Variants in SOX5 observed in about 807,000 individuals in gnomAD.
The protein encoded by SOX5 is transcription factor SOX-5.
Under a neutral mutation model 92.0 loss-of-function variants are expected in SOX5, and 9 were observed. The ratio of observed to expected loss-of-function variants is 0.10; its 90% confidence interval spans 0.06 to 0.17. SOX5 has a LOEUF of 0.17. Ranked by LOEUF, SOX5 falls within the 10% of genes least tolerant of loss-of-function variation. The pLI is 1.00. For synonymous variants in SOX5, 344 were observed against 336.3 expected, an observed-to-expected ratio of 1.02 and a Z score of -0.25; for missense variants, 642 against 944.5, an observed-to-expected ratio of 0.68 and a Z score of 4.20.
intron 3 of SOX5, among the ~76,000 whole-genome samples, chr12:24,222,722 A>G (rs1239368703): frequency 6.6e-6 from 1 of 152,214 alleles, no homozygotes; most frequent in Non-Finnish European, 1.5e-5. Flanking sequence ...TGAATAAATG[A>G]TTACTGATAA....
chr12:23,726,193 T>C (rs1194635873), intron 6 of SOX5, among the ~76,000 whole-genome samples: 2 of 146,334 alleles, frequency 1.4e-5, no homozygotes, highest in Non-Finnish European at 3.0e-5. Context: ...TCTCACTGTT[T>C]GTAAGTTACA....
rs375168979 is a variant in SOX5, at chr12:24,171,906, A to G, written c.-2+41437T>C. On this transcript the variant is annotated intron_variant, in intron 4 of 4. Transcript: ENST00000446891. ...GGGGAAAGTTTCCATTTTCACAGAG[A>G]AAGTGGCATTTAAGTTGAGTCTTGA... Among the ~76,000 whole-genome samples the G allele has an allele frequency of 5.9e-5, 9 of 152,206 alleles. No homozygotes were observed. In the East Asian group the frequency reaches 1.4e-3, roughly 23 times the overall value.
At chr12:23,625,266 C>A (rs1454423353) in intron 8 of SOX5, among the ~76,000 whole-genome samples, 4 of 152,176 alleles carry the variant, frequency 2.6e-5, no homozygotes, top group Non-Finnish European at 5.9e-5. Context: ...ACTCACACTT[C>A]CTTCCCAATC....
intron 4 of SOX5, among the ~76,000 whole-genome samples, chr12:24,086,128 C>T (rs563321253): frequency 2.0e-5 from 3 of 152,056 alleles, no homozygotes; most frequent in East Asian, 1.9e-4. Context: ...ACCTATGATT[C>T]CCTCTGTTTC....
At chr12:24,369,521 G>A (rs1480971557) in intron 1 of SOX5, among the ~76,000 whole-genome samples, 1 of 152,184 alleles carries the variant, frequency 6.6e-6, no homozygotes, top group African/African-American at 2.4e-5. Context: ...ATCGATGCCT[G>A]GAAAGTGACA....
intron 6 of SOX5, among the ~76,000 whole-genome samples, chr12:23,670,522 G>A (rs1282563520): frequency 6.6e-6 from 1 of 152,112 alleles, no homozygotes; most frequent in East Asian, 1.9e-4. Flanking sequence ...AAATTCCGGA[G>A]GAGGCTAGAA....
chr12:24,546,105 A>G (rs975813803), intron 1 of SOX5, among the ~76,000 whole-genome samples: 1 of 152,174 alleles, frequency 6.6e-6, no homozygotes, highest in African/African-American at 2.4e-5. Context: ...CCTTGCTTTC[A>G]GTGTTTATTG....
intron 2 of SOX5, among the ~76,000 whole-genome samples, chr12:24,297,746 A>T (rs1391863105): frequency 6.6e-6 from 1 of 152,190 alleles, no homozygotes; most frequent in Non-Finnish European, 1.5e-5. Flanking sequence ...TGCTCAGAAC[A>T]TTCTCCGAAG....
intron 1 of SOX5, among the ~76,000 whole-genome samples, chr12:24,453,586 A>T (rs547218285): frequency 2.6e-5 from 4 of 152,216 alleles, no homozygotes; most frequent in Admixed American, 6.5e-5. Context: ...ATACCTATTT[A>T]GACATTCATG....
chr12:24,082,220 A>G (rs1374705731), intron 4 of SOX5, among the ~76,000 whole-genome samples: 1 of 151,722 alleles, frequency 6.6e-6, no homozygotes, highest in Non-Finnish European at 1.5e-5. Flanking sequence ...GACTGGAACT[A>G]TTATACCTTG....
intron 2 of SOX5, among the ~76,000 whole-genome samples, chr12:23,860,304 T>TA (rs58292055): frequency 6.7e-5 from 10 of 150,114 alleles, no homozygotes; most frequent in Non-Finnish European, 7.4e-5. Flanking sequence ...AAAATAAATT[T>TA]AAAAAAAAAA....
At chr12:23,546,486 T>C in intron 11 of SOX5, 62 bp from the exon 12 acceptor site, 1 of 940,762 alleles carries the variant, frequency 1.1e-6, no homozygotes, top group South Asian at 1.4e-5. Flanking sequence ...GACTTTCTTT[T>C]TTTGGGCCAC....
intron 4 of SOX5, among the ~76,000 whole-genome samples, chr12:23,957,290 A>C (rs1946391151): frequency 6.6e-6 from 1 of 152,230 alleles, no homozygotes; most frequent in African/African-American, 2.4e-5. Flanking sequence ...GTCCCCCAAA[A>C]AATGATGTTT....
chr12:23,815,856 C>T (rs1351389547), intron 3 of SOX5, among the ~76,000 whole-genome samples: 1 of 152,044 alleles, frequency 6.6e-6, no homozygotes, highest in African/African-American at 2.4e-5. Flanking sequence ...TAGGGGTAGG[C>T]AAATTTTATC....
At chr12:23,792,423 G>A (rs1229170450) in intron 3 of SOX5, among the ~76,000 whole-genome samples, 1 of 151,712 alleles carries the variant, frequency 6.6e-6, no homozygotes, top group Non-Finnish European at 1.5e-5. Context: ...AGAAGTTCGA[G>A]ACCAGCGTGG....
intron 4 of SOX5, among the ~76,000 whole-genome samples, chr12:24,057,770 C>T (rs1254616371): frequency 6.6e-6 from 1 of 152,060 alleles, no homozygotes; most frequent in Non-Finnish European, 1.5e-5. Flanking sequence ...ATGTTTTCCA[C>T]CTTTTTGGAA....
intron 4 of SOX5, among the ~76,000 whole-genome samples, chr12:23,957,684 G>C (rs540796107): frequency 3.9e-5 from 6 of 152,232 alleles, no homozygotes; most frequent in African/African-American, 1.2e-4. Context: ...CTTTTTTCAT[G>C]CTGTTGTTAA....
At chr12:23,970,841 A>ATATATATATATATATATATTTTTTTTTT in intron 4 of SOX5, among the ~76,000 whole-genome samples, 1 of 21,884 alleles carries the variant, frequency 4.6e-5, no homozygotes, top group African/African-American at 1.2e-4. Context: ...TATATATATA[A>ATATATATATATATATATATTTTTTTTTT]TTTTTTTTTT....
At chr12:24,506,914 C>T (rs1215190010) in intron 1 of SOX5, among the ~76,000 whole-genome samples, 3 of 151,158 alleles carry the variant, frequency 2.0e-5, no homozygotes, top group African/African-American at 7.3e-5. Flanking sequence ...CCTCAGCCTC[C>T]CAAGTAGCTG....
Sources: gnomAD v4.1 joint callset for allele counts (sites outside exome capture counted in the v4.1 genomes callset) on GRCh38, gnomAD v4.1.1 for gene constraint, MANE v1.5 for transcripts, NCBI Gene and HGNC (gene_info 2026-07-23, HGNC 2026-07-21) for gene names.